The following ABCG1 variants were observed in gnomAD, a reference collection of about 807,000 sequenced individuals.
ABCG1 encodes the protein ATP binding cassette subfamily G member 1.
ABCG1 carries 29 observed loss-of-function variants against 69.2 expected under a neutral mutation model. That is an observed-to-expected ratio of 0.42 (90% CI 0.31 to 0.57). ABCG1 has a LOEUF of 0.57. Ranked by LOEUF, ABCG1 falls within the 20% of genes least tolerant of loss-of-function variation. The probability of loss-of-function intolerance (pLI) is 0.15; values close to 1 mark genes in which losing one functional copy is unlikely to be tolerated. For missense variants in ABCG1, 718 were observed against 898.1 expected, an observed-to-expected ratio of 0.80 and a Z score of 2.56; for synonymous variants, 370 against 374.8, an observed-to-expected ratio of 0.99 and a Z score of 0.15.
intron 14 of ABCG1, 101 bp downstream of exon 14, chr21:42,294,761 G>C (rs2069171308): frequency 9.5e-7 from 1 of 1,057,674 alleles, no homozygotes; most frequent in African/African-American, 1.6e-5. Context: ...CTGGGCTGCT[G>C]GCCAAGAGCA....
intron 2 of ABCG1, among the ~76,000 whole-genome samples, chr21:42,235,815 G>A (rs1041760470): frequency 3.3e-5 from 5 of 152,162 alleles, no homozygotes; most frequent in Admixed American, 2.6e-4. Flanking sequence ...GCTACGATAA[G>A]GCATGTCAGA....
chr21:42,245,499 C>T (rs1006329372), intron 2 of ABCG1, among the ~76,000 whole-genome samples: 4 of 152,322 alleles, frequency 2.6e-5, no homozygotes, highest in East Asian at 1.9e-4. Context: ...AGGGTGGGTG[C>T]GGCCACACAT....
At chr21:42,294,874 G>A (rs1000435416) in intron 14 of ABCG1, 10 of 549,260 alleles carry the variant, frequency 1.8e-5, no homozygotes, top group Admixed American at 1.5e-4. Context: ...ACACAAACCA[G>A]CGCTTCACAC....
At chr21:42,285,555 T>A (rs1464867704) in intron 7 of ABCG1, among the ~76,000 whole-genome samples, 1 of 151,668 alleles carries the variant, frequency 6.6e-6, no homozygotes, top group Non-Finnish European at 1.5e-5. Flanking sequence ...TTGATATTAG[T>A]CTAAGCAAAA....
upstream of ABCG1, chr21:42,215,948 A>T (rs759583720): frequency 1.1e-5 from 3 of 267,094 alleles, no homozygotes; most frequent in Non-Finnish European, 2.3e-5. Context: ...CCCAAATCTC[A>T]TCTTGAATTG....
intron 2 of ABCG1, among the ~76,000 whole-genome samples, chr21:42,229,805 G>A (rs1168301382): frequency 6.6e-6 from 1 of 152,148 alleles, no homozygotes; most frequent in Non-Finnish European, 1.5e-5. Context: ...ACAGGAGCTC[G>A]GGCGCAGAGC....
At chr21:42,249,895 C>T (rs545488629) in intron 2 of ABCG1, among the ~76,000 whole-genome samples, 11 of 151,840 alleles carry the variant, frequency 7.2e-5, no homozygotes, top group Middle Eastern at 3.4e-3. Flanking sequence ...GTCCCAGCTA[C>T]TTGGGAGGCT....
At chr21:42,228,678 T>C (rs1168613780) in intron 2 of ABCG1, among the ~76,000 whole-genome samples, 2 of 152,112 alleles carry the variant, frequency 1.3e-5, no homozygotes, top group Non-Finnish European at 2.9e-5. Flanking sequence ...GGTGCCAGGG[T>C]CCATGTAGCC....
chr21:42,291,550 C>T lies in ABCG1; in HGVS notation c.1547C>T (p.Pro516Leu), dbSNP rs2069060436. ...ATCGTGTACTGGATGACGTCGCAGCCGTCCGACGCCGTGCGCTTTGTGCTG... is the reference window on the plus strand; with the variant it reads ...ATCGTGTACTGGATGACGTCGCAGCTGTCCGACGCCGTGCGCTTTGTGCTG... ...CSIVYWMTSQ[P>L]SDAVRFVLFA... The change falls in exon 13 of 15, where the codon CCG (proline) becomes CTG (leucine). Residue 516 changes from proline to leucine, a missense_variant. Pro to Leu is a moderately conservative substitution (Grantham distance 98). This residue lies in a region of ABCG1 where 204 missense variants were observed against 323.8 expected (regional missense o/e 0.63). Transcript: ENST00000398449. This position sits in a 1 kb window ranked among gnomAD's most constrained non-coding sequence, Gnocchi z 6.4. 4.3e-6 allele frequency: 7 copies of T among 1,613,656 alleles called. No homozygotes were observed. The highest frequency in any genetic ancestry group is 5.1e-6 in the Non-Finnish European group (6 of 1,179,892).
intron 7 of ABCG1, 56 bp from the exon 8 acceptor site, chr21:42,285,824 G>C: frequency 1.6e-6 from 2 of 1,214,042 alleles, no homozygotes; most frequent in Non-Finnish European, 2.4e-6. Context: ...TGAGGGCTCC[G>C]GTTGCCTTCC....
chr21:42,210,730 G>A (rs1006183192), intron 2 of ABCG1, among the ~76,000 whole-genome samples: 3 of 127,996 alleles, frequency 2.3e-5, no homozygotes. Context: ...CCTCCACCCT[G>A]CACCTCCCTG....
At chr21:42,219,040 C>A (rs1213133137), upstream of ABCG1, 5 of 250,620 alleles carry the variant, frequency 2.0e-5, no homozygotes, top group Non-Finnish European at 2.9e-5. The surrounding 1 kb of genome is among the most constrained non-coding windows in gnomAD (Gnocchi z 5.3). Flanking sequence ...AACAAGAGCA[C>A]GCGCACCTGC....
intron 4 of ABCG1, among the ~76,000 whole-genome samples, chr21:42,275,491 CAA>C (rs1283382341): frequency 6.6e-6 from 1 of 152,204 alleles, no homozygotes; most frequent in East Asian, 1.9e-4. Flanking sequence ...GCCCTAAGTG[CAA>C]ACTCCATGCA....
In ABCG1 at chr21:42,219,904, G is replaced by A. The variant is rs543528581; in HGVS notation, c.42+600G>A. ...CGAAGGCCCGGGGAGACCCGCGAGG[G>A]GCAAGCCCGGATTCCTGCCGGCCGC... On this transcript the variant is annotated intron_variant, in intron 1 of 14. Transcript: ENST00000398449. The surrounding 1 kb of genome is among the most constrained non-coding windows in gnomAD (Gnocchi z 5.3). 1.7e-5 allele frequency: 27 copies of A among 1,548,212 alleles called. No individual in the cohort carries two copies. In the East Asian group the frequency reaches 3.9e-4, roughly 22 times the overall value.
upstream of ABCG1, among the ~76,000 whole-genome samples, chr21:42,217,064 C>T (rs759261440): frequency 6.6e-5 from 10 of 152,196 alleles, no homozygotes; most frequent in Non-Finnish European, 1.3e-4. Context: ...CACACCATCC[C>T]CCTGGCCATT....
intron 14 of ABCG1, among the ~76,000 whole-genome samples, chr21:42,295,691 T>C (rs8132809): frequency 0.1 from 15,856 of 152,276 alleles, 2,776 homozygotes; most frequent in African/African-American, 0.36. Flanking sequence ...GCTCCAACAC[T>C]ATGAAATCAG....
rs2069057434 is a variant in ABCG1 at position 42,291,450 on chromosome 21, T to C, written c.1495-48T>C. On this transcript the variant is annotated intron_variant, in intron 12 of 14. Coordinates refer to ENST00000398449, the MANE Select transcript of ABCG1 (RefSeq NM_016818.3). This position sits in a 1 kb window ranked among gnomAD's most constrained non-coding sequence, Gnocchi z 6.4. ...CCCAGGAGCTTTGCTGTTGGCCTGC[T>C]GTGGTGGGAAGCGGCTGAGCCCGCG... The C allele has an allele frequency of 1.3e-6, 2 of 1,579,060 alleles. No individual in the cohort carries two copies. Among genetic ancestry groups the C allele is most frequent in the African/African-American group, 2.7e-5 (2 of 74,572 alleles).
At chr21:42,278,387 T>C (rs559649979) in intron 5 of ABCG1, among the ~76,000 whole-genome samples, 82 of 152,268 alleles carry the variant, frequency 5.4e-4, no homozygotes, top group Admixed American at 1.3e-3. Flanking sequence ...CAAAAGATGA[T>C]ATGTTAAAGC....
In ABCG1 at chr21:42,219,703, A is replaced by T; in HGVS notation, c.42+399A>T. 1 of 906,934 alleles carries T rather than the reference A, an allele frequency of 1.1e-6. No homozygotes were observed. Among genetic ancestry groups the T allele is most frequent in the Non-Finnish European group, 1.6e-6 (1 of 633,712 alleles). 56.2% of individuals were successfully genotyped at this position (906,934 alleles called of 1,614,324 possible). A position where few individuals can be genotyped will look rare whatever the true frequency, so the allele number is the denominator to read the frequency against. ...GCCGGAGGGAAGAGGGGACTTGAAGAAGGGGAGCCCCGCGCGCGCGGCTGT... is the reference window on the plus strand; with the variant it reads ...GCCGGAGGGAAGAGGGGACTTGAAGTAGGGGAGCCCCGCGCGCGCGGCTGT... On this transcript the variant is annotated intron_variant, in intron 1 of 14. Transcript: ENST00000398449. The surrounding 1 kb of genome is among the most constrained non-coding windows in gnomAD (Gnocchi z 5.3).
Sources: gnomAD v4.1 joint callset for allele counts (sites outside exome capture counted in the v4.1 genomes callset) on GRCh38, gnomAD v4.1.1 for gene constraint, gnomAD v4.1.1 regional missense constraint, Gnocchi (gnomAD v3.1) non-coding constraint, MANE v1.5 for transcripts, NCBI Gene and HGNC (gene_info 2026-07-23, HGNC 2026-07-21) for gene names.